The following ZDHHC24 variants were observed in gnomAD, a reference collection of about 807,000 sequenced individuals.
ZDHHC24 encodes the protein probable palmitoyltransferase ZDHHC24.
A neutral mutation model predicts 23.2 loss-of-function variants in ZDHHC24; 17 were observed. The ratio of observed to expected loss-of-function variants is 0.73; its 90% CI spans 0.50 to 1.10. The LOEUF is 1.10. ZDHHC24 is among the 50% of genes least tolerant of loss of function. The probability of loss-of-function intolerance (pLI) is 0.00; values close to 1 mark genes in which losing one functional copy is unlikely to be tolerated. For synonymous variants in ZDHHC24, 186 were observed against 194.5 expected (o/e 0.96, Z 0.36); for missense variants, 366 against 393.0 (o/e 0.93, Z 0.58).
chr11:66,526,296 G>T, intron 4 of ZDHHC24: 1 of 1,220,728 alleles, frequency 8.2e-7, no homozygotes, highest in African/African-American at 1.5e-5. Context: ...GGGTGGACCT[G>T]GGTGTGGAAA....
At chr11:66,530,755 G>A, downstream of ZDHHC24, 1 of 1,271,250 alleles carries the variant, frequency 7.9e-7, no homozygotes. Flanking sequence ...GCCCCTTCTG[G>A]TCTTCTGTGT....
In ZDHHC24 at chr11:66,539,682, C is replaced by T; in HGVS notation, c.702G>A (p.Gln234=). Residue 234 remains glutamine (Q), a synonymous_variant, in exon 3 of 3, where the codon CAG becomes CAA. Coordinates refer to ENST00000310442, the MANE Select transcript of ZDHHC24 (RefSeq NM_207340.3). ...GQTTWEWARG[Q]HSYDLGPCHN... is the part of the protein sequence containing the mutation. ...GGCAGGGACCCAGGTCATAGGAGTG[C>T]TGGCCCCGAGCCCACTCCCATGTGG... 2 of 1,611,084 alleles carry T rather than the reference C, an allele frequency of 1.2e-6. No homozygotes were observed. Among genetic ancestry groups the T allele is most frequent in the South Asian group, 1.1e-5 (1 of 90,842 alleles).
chr11:66,524,832 T>C (rs1014752583), intron 4 of ZDHHC24, among the ~76,000 whole-genome samples: 2 of 152,108 alleles, frequency 1.3e-5, no homozygotes, highest in South Asian at 2.1e-4. Context: ...TTTGGAAGGC[T>C]GAGGCAGGCG....
intron 3 of ZDHHC24, chr11:66,527,761 G>T (rs1856583793): frequency 6.6e-6 from 1 of 152,166 alleles, no homozygotes; most frequent in South Asian, 2.1e-4. Flanking sequence ...TGTGTAGAAG[G>T]GGTTTCTGCA....
downstream of ZDHHC24, among the ~76,000 whole-genome samples, chr11:66,534,443 C>CAAA (rs1158925348): frequency 1.9e-4 from 5 of 26,824 alleles, no homozygotes; most frequent in African/African-American, 2.7e-4. Flanking sequence ...AACTCTGTCT[C>CAAA]AAAAAAAAAA....
intron 2 of ZDHHC24, among the ~76,000 whole-genome samples, chr11:66,541,403 CAA>C (rs59885168): frequency 1.1e-4 from 11 of 99,622 alleles, no homozygotes; most frequent in Admixed American, 1.1e-4. Context: ...AACTCCATCT[CAA>C]AAAAAAAAAA....
intron 4 of ZDHHC24, chr11:66,523,839 G>T (rs771291825): frequency 1.2e-6 from 2 of 1,613,592 alleles, no homozygotes; most frequent in South Asian, 1.1e-5. Context: ...GGAGAGGTCC[G>T]CATTTATCGT....
At chr11:66,529,782 C>A (rs371205830) in intron 2 of ZDHHC24, 9 of 1,607,842 alleles carry the variant, frequency 5.6e-6, no homozygotes, top group South Asian at 1.1e-5. Flanking sequence ...TGCCACCCCC[C>A]ACCTCCACCG....
At chr11:66,531,719 A>C (rs1178965966), downstream of ZDHHC24, 4 of 1,613,892 alleles carry the variant, frequency 2.5e-6, no homozygotes, top group African/African-American at 5.3e-5. Flanking sequence ...TCTCAGTAAC[A>C]AGGGCATCTC....
At chr11:66,533,976 C>G (rs1011156062), downstream of ZDHHC24, among the ~76,000 whole-genome samples, 2 of 151,950 alleles carry the variant, frequency 1.3e-5, no homozygotes, top group African/African-American at 4.8e-5. Context: ...TGAGACCAGC[C>G]CGGCCAACAT....
At chr11:66,526,880 G>C in intron 4 of ZDHHC24, 2 of 1,612,740 alleles carry the variant, frequency 1.2e-6, no homozygotes, top group South Asian at 1.1e-5. Flanking sequence ...GGGGAATGCT[G>C]CCCAGCCTCC....
intron 2 of ZDHHC24, among the ~76,000 whole-genome samples, chr11:66,530,624 G>C (rs61551111): frequency 5.3e-4 from 80 of 152,292 alleles, no homozygotes; most frequent in African/African-American, 1.8e-3. Flanking sequence ...GAACAGGCAG[G>C]GGGTGGGGGT....
At position 66,539,790 on chromosome 11, in the gene ZDHHC24, G is replaced by A. The variant is rs527917626; in HGVS notation, c.594C>T (p.Phe198=). The A allele has an allele frequency of 4.3e-6, 7 of 1,611,362 alleles. No homozygotes were observed. Among genetic ancestry groups the A allele is most frequent in the South Asian group, 3.3e-5 (3 of 90,852 alleles). ...CACCCGCCACGCACGTGTCCGTCAC[G>A]AAGGCCAAGGCAAACTGTGCCAGAG... The part of the protein sequence containing the change: ...RVSLAQFALA[F]VTDTCVAGAL... Residue 198 remains phenylalanine (F), a synonymous_variant, in exon 3 of 3, where the codon TTC becomes TTT. Transcript: ENST00000310442.
chr11:66,526,978 C>G, exon 4 of ZDHHC24: 2 of 1,546,066 alleles, frequency 1.3e-6, no homozygotes, highest in Non-Finnish European at 1.7e-6. Context: ...ACGTTGCCTG[C>G]AAATCACTGT....
At position 66,538,681 on chromosome 11, in the gene ZDHHC24, A is replaced by C. The variant is rs1857054259; in HGVS notation, c.*848T>G. The C allele has an allele frequency of 6.6e-6, 1 of 152,226 alleles. No individual in the cohort carries two copies. Among genetic ancestry groups the C allele is most frequent in the Non-Finnish European group, 1.5e-5 (1 of 68,040 alleles). 9.4% of individuals were successfully genotyped at this position (152,226 alleles called of 1,614,324 possible). ...AAAACTGAGACGAACACATGTGTTT[A>C]GGCCTGCCATGTGGAAATGGCGGTC... On this transcript the variant is annotated 3_prime_UTR_variant, in exon 3 of 3. Transcript: ENST00000310442.
chr11:66,541,398 C>T (rs968866770), intron 2 of ZDHHC24, among the ~76,000 whole-genome samples: 5 of 146,720 alleles, frequency 3.4e-5, no homozygotes, highest in Non-Finnish European at 6.0e-5. Context: ...AGCAAAACTC[C>T]ATCTCAAAAA....
At chr11:66,525,199 CAAA>C (rs1202954773) in intron 4 of ZDHHC24, among the ~76,000 whole-genome samples, 9 of 83,430 alleles carry the variant, frequency 1.1e-4, no homozygotes, top group Admixed American at 1.4e-4. Context: ...GACTCCATCT[CAAA>C]AAAAAAAAAA....
rs576606865 is a variant in ZDHHC24 at position 66,521,774 on chromosome 11, G to A, written c.*22-308C>T. Among the ~76,000 whole-genome samples the A allele has an allele frequency of 8.0e-4, 122 of 152,048 alleles. 2 individuals are homozygous for A. In the East Asian group the frequency reaches 0.019, roughly 24 times the overall value. On this transcript the variant is annotated intron_variant, in intron 4 of 4. Transcript: ENST00000526986. ...TACAAAATTAGCTGGGCATGGTGGC[G>A]CATGCCTCTAGCCCCAGCTACTCGG...
At position 66,526,783 on chromosome 11, in the gene ZDHHC24, C is replaced by T; in HGVS notation, c.*21+153G>A. ...GACCCGGCTTTACGTGGATCAGACA[C>T]TGCGAGAGCGGGAGGCTGGCACCGG... On this transcript the variant is annotated intron_variant, in intron 4 of 4. Coordinates refer to the ZDHHC24 transcript ENST00000526986. The T allele has an allele frequency of 6.2e-7, 1 of 1,614,250 alleles. No individual in the cohort carries two copies. The highest frequency in any genetic ancestry group is 8.5e-7 in the Non-Finnish European group (1 of 1,180,046).
Sources: gnomAD v4.1 joint callset for allele counts (sites outside exome capture counted in the v4.1 genomes callset) on GRCh38, gnomAD v4.1.1 for gene constraint, MANE v1.5 for transcripts, NCBI Gene and HGNC (gene_info 2026-07-23, HGNC 2026-07-21) for gene names.